GALNTL6: variants seen among roughly 807,000 people sequenced by gnomAD.
GALNTL6 encodes the protein polypeptide N-acetylgalactosaminyltransferase like 6.
GALNTL6 carries 46 observed loss-of-function variants against 73.7 expected under a neutral mutation model. That is an observed-to-expected ratio of 0.62 (90% CI 0.49 to 0.80). The LOEUF is 0.80. Among genes scored for constraint, GALNTL6 ranks in the 30% least tolerant of loss-of-function variants. The pLI is 0.00. For missense variants in GALNTL6, 604 were observed against 755.0 expected (o/e 0.80, Z 2.34); for synonymous variants, 259 against 263.7 (o/e 0.98, Z 0.17).
intron 3 of GALNTL6, among the ~76,000 whole-genome samples, chr4:172,270,189 A>ATGTATG (rs1554008948): frequency 1.3e-5 from 2 of 150,146 alleles, no homozygotes; most frequent in Non-Finnish European, 3.0e-5. Context: ...GTGTGTGTGT[A>ATGTATG]TGTGTGTGTG....
intron 8 of GALNTL6, among the ~76,000 whole-genome samples, chr4:172,917,417 G>C (rs1459260525): frequency 2.0e-5 from 3 of 152,136 alleles, no homozygotes; most frequent in Admixed American, 6.5e-5. Flanking sequence ...TTAAACTAAA[G>C]AGCTTCTGCA....
intron 2 of GALNTL6, among the ~76,000 whole-genome samples, chr4:171,893,269 A>G (rs1356248048): frequency 6.6e-6 from 1 of 152,210 alleles, no homozygotes; most frequent in Admixed American, 6.5e-5. Context: ...CTGACTTATA[A>G]CATACTAGCT....
At chr4:172,776,106 C>T (rs1739058123) in intron 5 of GALNTL6, among the ~76,000 whole-genome samples, 1 of 152,170 alleles carries the variant, frequency 6.6e-6, no homozygotes, top group African/African-American at 2.4e-5. Flanking sequence ...ACCCCAGGCT[C>T]CTGGCCCACG....
At chr4:171,970,951 A>T (rs1339657215) in intron 2 of GALNTL6, among the ~76,000 whole-genome samples, 1 of 152,226 alleles carries the variant, frequency 6.6e-6, no homozygotes, top group African/African-American at 2.4e-5. Context: ...ATGGAGAAAG[A>T]TGAAATCTGA....
At chr4:172,044,410 T>C (rs1423087305) in intron 2 of GALNTL6, among the ~76,000 whole-genome samples, 1 of 151,974 alleles carries the variant, frequency 6.6e-6, no homozygotes, top group Non-Finnish European at 1.5e-5. Context: ...TTTGGTGTTA[T>C]ATTTCCAGCA....
At chr4:172,541,549 A>G (rs1735549775) in intron 5 of GALNTL6, among the ~76,000 whole-genome samples, 1 of 152,230 alleles carries the variant, frequency 6.6e-6, no homozygotes, top group African/African-American at 2.4e-5. Context: ...TTTACAGCAG[A>G]AAAGAAAGTA....
At chr4:172,493,992 GTC>G (rs139625243) in intron 5 of GALNTL6, among the ~76,000 whole-genome samples, 2 of 152,068 alleles carry the variant, frequency 1.3e-5, no homozygotes, top group East Asian at 3.9e-4. Context: ...TAGAATGTAG[GTC>G]TCTCTGTGTT....
intron 3 of GALNTL6, among the ~76,000 whole-genome samples, chr4:172,298,191 G>T (rs971256812): frequency 1.3e-5 from 2 of 152,096 alleles, no homozygotes; most frequent in African/African-American, 4.8e-5. Flanking sequence ...TGTGATTTTT[G>T]CACATTGATT....
At chr4:172,045,156 A>G (rs970966789) in intron 2 of GALNTL6, among the ~76,000 whole-genome samples, 4 of 152,044 alleles carry the variant, frequency 2.6e-5, no homozygotes, top group Non-Finnish European at 5.9e-5. Context: ...TTTGATTAGA[A>G]TATGCTTGAA....
At chr4:171,932,598 G>C (rs1020348634) in intron 2 of GALNTL6, among the ~76,000 whole-genome samples, 7 of 152,142 alleles carry the variant, frequency 4.6e-5, no homozygotes, top group African/African-American at 2.4e-5. Context: ...GGACTTTATA[G>C]AGAGAAAGTC....
intron 2 of GALNTL6, among the ~76,000 whole-genome samples, chr4:171,986,055 A>AAAAAC (rs1414613596): frequency 1.3e-5 from 2 of 151,302 alleles, no homozygotes; most frequent in African/African-American, 4.9e-5. Context: ...AAAAAAAAAA[A>AAAAAC]AACACTTCTG....
At chr4:172,528,057 A>C (rs1381935126) in intron 5 of GALNTL6, among the ~76,000 whole-genome samples, 2 of 151,754 alleles carry the variant, frequency 1.3e-5, no homozygotes, top group Non-Finnish European at 1.5e-5. Context: ...ATTTACAGAT[A>C]GTAACTTAAT....
intron 5 of GALNTL6, among the ~76,000 whole-genome samples, chr4:172,354,531 C>T (rs1168020006): frequency 1.3e-5 from 2 of 151,742 alleles, no homozygotes; most frequent in East Asian, 3.9e-4. Context: ...GGACATTGAG[C>T]GACATTGCTC....
At chr4:172,438,828 CT>C (rs1731729783) in intron 5 of GALNTL6, among the ~76,000 whole-genome samples, 1 of 151,980 alleles carries the variant, frequency 6.6e-6, no homozygotes, top group Non-Finnish European at 1.5e-5. Flanking sequence ...CCCACACTTA[CT>C]TTTAGGTTAT....
At chr4:172,295,131 A>T (rs1410473638) in intron 3 of GALNTL6, among the ~76,000 whole-genome samples, 1 of 152,146 alleles carries the variant, frequency 6.6e-6, no homozygotes, top group Non-Finnish European at 1.5e-5. Context: ...ACTATATCTA[A>T]AAATGAAGAG....
rs148301404 is a variant in GALNTL6, at chr4:172,109,288, T to G, written c.139-120368T>G. ...TTTTTCTTGCATAAAAGAATTGTAC[T>G]CAGTCAAATGTAGCAAGTATTGTAA... On this transcript the variant is annotated intron_variant, in intron 2 of 12. Coordinates refer to ENST00000506823, the MANE Select transcript of GALNTL6 (RefSeq NM_001034845.3). 3.3e-3 allele frequency among the ~76,000 whole-genome samples: 501 copies of G among 152,208 alleles called. 3 individuals are homozygous for G. The highest frequency in any genetic ancestry group is 0.011 in the African/African-American group (452 of 41,530).
chr4:172,215,600 C>A (rs989724450), intron 2 of GALNTL6, among the ~76,000 whole-genome samples: 22 of 152,108 alleles, frequency 1.4e-4, no homozygotes, highest in African/African-American at 5.3e-4. Context: ...CTATCCTATC[C>A]TAGTCTTTAT....
intron 5 of GALNTL6, among the ~76,000 whole-genome samples, chr4:172,551,818 A>G (rs907399880): frequency 6.6e-6 from 1 of 152,142 alleles, no homozygotes. Context: ...CTGTATGAGG[A>G]TGTTGATGAT....
At chr4:172,581,759 G>C (rs2110975033) in intron 5 of GALNTL6, among the ~76,000 whole-genome samples, 1 of 152,274 alleles carries the variant, frequency 6.6e-6, no homozygotes, top group South Asian at 2.1e-4. Context: ...TGGCTTGAGA[G>C]ATGATCTAGG....
Sources: gnomAD v4.1 joint callset for allele counts (sites outside exome capture counted in the v4.1 genomes callset) on GRCh38, gnomAD v4.1.1 for gene constraint, MANE v1.5 for transcripts, NCBI Gene and HGNC (gene_info 2026-07-23, HGNC 2026-07-21) for gene names.